Variants in PRKAG2 observed in about 807,000 individuals in gnomAD.
PRKAG2 encodes 5'-AMP-activated protein kinase subunit gamma-2.
Under a neutral mutation model 69.6 loss-of-function variants are expected in PRKAG2, and 26 were observed. The ratio of observed to expected loss-of-function variants is 0.37; its 90% CI spans 0.27 to 0.52. PRKAG2 has a LOEUF of 0.52. Ranked by LOEUF, PRKAG2 falls within the 20% of genes least tolerant of loss-of-function variation. The pLI is 0.90. For synonymous variants in PRKAG2, 293 were observed against 285.0 expected (o/e 1.03, Z -0.28); for missense variants, 557 against 740.0 (o/e 0.75, Z 2.87).
intron 4 of PRKAG2, among the ~76,000 whole-genome samples, chr7:151,634,214 T>G (rs1265212248): frequency 6.6e-6 from 1 of 152,180 alleles, no homozygotes; most frequent in Non-Finnish European, 1.5e-5. Flanking sequence ...CATGCAAACA[T>G]GGCAAACCAA....
chr7:151,674,208 C>T (rs1031461582), intron 4 of PRKAG2, among the ~76,000 whole-genome samples: 3 of 152,126 alleles, frequency 2.0e-5, no homozygotes, highest in South Asian at 2.1e-4. Flanking sequence ...TATGTGAGAA[C>T]GGGACAGAGA....
intron 4 of PRKAG2, chr7:151,675,166 C>T: frequency 4.3e-6 from 2 of 469,126 alleles, no homozygotes; most frequent in Non-Finnish European, 8.1e-6. Flanking sequence ...AGTGATCTGC[C>T]TATCTTGGCC....
chr7:151,834,595 T>C (rs2079105734), intron 1 of PRKAG2, among the ~76,000 whole-genome samples: 1 of 152,106 alleles, frequency 6.6e-6, no homozygotes, highest in South Asian at 2.1e-4. Flanking sequence ...CTCCACATAG[T>C]GGGAGGAGGA....
rs560469631 is a variant in PRKAG2, at chr7:151,654,512, G to A, written c.684+20908C>T. Among the ~76,000 whole-genome samples, 14 of 152,170 alleles carry A rather than the reference G, an allele frequency of 9.2e-5. No individual in the cohort carries two copies. The East Asian group carries it at 1.4e-3, about 15-fold the overall frequency. ...AATATTCAAGGTTTCAACTTATTACGACTATGCAAATACTACTGATACCTG... is the reference window on the plus strand; with the variant it reads ...AATATTCAAGGTTTCAACTTATTACAACTATGCAAATACTACTGATACCTG... On this transcript the variant is annotated intron_variant, in intron 4 of 15. Transcript: ENST00000287878.
In PRKAG2 at chr7:151,827,278, G is replaced by A. The variant is rs191525881; in HGVS notation, c.115-40737C>T. 2.0e-5 allele frequency among the ~76,000 whole-genome samples: 3 copies of A among 152,184 alleles called. No homozygotes were observed. The East Asian group carries it at 5.8e-4, about 29-fold the overall frequency. On this transcript the variant is annotated intron_variant, in intron 1 of 15. Transcript: ENST00000287878. ...TTTTGAGACAGGGTCTCACTCTGTT[G>A]CCTAGGCTGGAGTGCAGTGGCGCAA...
At chr7:151,617,086 CCT>C (rs1248657782) in intron 5 of PRKAG2, among the ~76,000 whole-genome samples, 1 of 151,858 alleles carries the variant, frequency 6.6e-6, no homozygotes, top group African/African-American at 2.4e-5. Context: ...GTGGAGAAAC[CCT>C]GTCTCTACTA....
At chr7:151,708,122 A>G (rs1838934849) in intron 3 of PRKAG2, among the ~76,000 whole-genome samples, 1 of 152,270 alleles carries the variant, frequency 6.6e-6, no homozygotes, top group Non-Finnish European at 1.5e-5. Context: ...GGGCTTGCCC[A>G]GCAACATTTG....
At chr7:151,578,235 C>T (rs1030802031) in intron 6 of PRKAG2, among the ~76,000 whole-genome samples, 1 of 152,152 alleles carries the variant, frequency 6.6e-6, no homozygotes, top group South Asian at 2.1e-4. Context: ...ATCCCAGCTA[C>T]TCAGGAGGCT....
intron 3 of PRKAG2, among the ~76,000 whole-genome samples, chr7:151,755,071 G>A (rs570283775): frequency 3.3e-5 from 5 of 152,280 alleles, no homozygotes; most frequent in African/African-American, 4.8e-5. Context: ...TCTGAAGCCC[G>A]GATGCCCCTT....
rs1302549267 is a variant in PRKAG2 at position 151,557,895 on chromosome 7, A to C, written c.1679-663T>G. ...CTCAAATAAAAAAAAAAAAAACAAA[A>C]AAACAAAAAAAAAACCTTTATAAAT... On this transcript the variant is annotated intron_variant, in intron 15 of 15. Coordinates refer to ENST00000287878, the MANE Select transcript of PRKAG2 (RefSeq NM_016203.4). The C allele has an allele frequency of 1.1e-5, 11 of 980,690 alleles. No homozygotes were observed. In the African/African-American group the frequency reaches 1.9e-4, roughly 17 times the overall value. 60.7% of individuals were successfully genotyped at this position (980,690 alleles called of 1,614,324 possible). A position where few individuals can be genotyped will look rare whatever the true frequency, so the allele number is the denominator to read the frequency against.
chr7:151,803,622 C>T (rs1438751276), intron 1 of PRKAG2, among the ~76,000 whole-genome samples: 1 of 152,078 alleles, frequency 6.6e-6, no homozygotes, highest in Non-Finnish European at 1.5e-5. Context: ...TAAAATCAGT[C>T]ACGTATTACC....
chr7:151,720,048 G>A (rs1355876810), intron 3 of PRKAG2, among the ~76,000 whole-genome samples: 1 of 152,210 alleles, frequency 6.6e-6, no homozygotes, highest in Non-Finnish European at 1.5e-5. Context: ...GGTGAGGCCT[G>A]GCCACTAGCA....
chr7:151,733,857 G>T (rs954351702), intron 3 of PRKAG2, among the ~76,000 whole-genome samples: 1 of 152,000 alleles, frequency 6.6e-6, no homozygotes, highest in Admixed American at 6.6e-5. Context: ...CACCATGCCT[G>T]GCTAATTTTT....
At chr7:151,728,318 T>C (rs887287528) in intron 3 of PRKAG2, among the ~76,000 whole-genome samples, 2 of 152,152 alleles carry the variant, frequency 1.3e-5, no homozygotes, top group African/African-American at 2.4e-5. Context: ...AGGGCAGAAT[T>C]CATCTTGCTC....
chr7:151,849,734 T>C (rs770701490), intron 1 of PRKAG2, among the ~76,000 whole-genome samples: 36 of 152,106 alleles, frequency 2.4e-4, no homozygotes, highest in Non-Finnish European at 4.3e-4. Context: ...TGCTGTCCCA[T>C]GGCCTGCTCC....
chr7:151,745,080 A>G (rs6957149), intron 3 of PRKAG2, among the ~76,000 whole-genome samples: 1 of 152,072 alleles, frequency 6.6e-6, no homozygotes, highest in South Asian at 2.1e-4. Flanking sequence ...GGGGCCATCA[A>G]GAGCCAGGCT....
chr7:151,802,199 T>C (rs983785885), intron 1 of PRKAG2, among the ~76,000 whole-genome samples: 2 of 152,190 alleles, frequency 1.3e-5, no homozygotes, highest in Non-Finnish European at 2.9e-5. Context: ...CCCCTTTGTG[T>C]AGTTTGTCCC....
chr7:151,858,202 G>A (rs2079832791), intron 1 of PRKAG2, among the ~76,000 whole-genome samples: 1 of 152,118 alleles, frequency 6.6e-6, no homozygotes, highest in African/African-American at 2.4e-5. Context: ...AGACTGTGGG[G>A]CAGCCCAGCC....
At chr7:151,672,980 CT>C (rs1303221649) in intron 4 of PRKAG2, among the ~76,000 whole-genome samples, 1 of 152,146 alleles carries the variant, frequency 6.6e-6, no homozygotes, top group African/African-American at 2.4e-5. Flanking sequence ...TGACCAAGGG[CT>C]GCGTGGTTGT....
Sources: gnomAD v4.1 joint callset for allele counts (sites outside exome capture counted in the v4.1 genomes callset) on GRCh38, gnomAD v4.1.1 for gene constraint, MANE v1.5 for transcripts, NCBI Gene and HGNC (gene_info 2026-07-23, HGNC 2026-07-21) for gene names.